Variants in ZSCAN29 observed in about 807,000 individuals in gnomAD.
ZSCAN29 encodes zinc finger and SCAN domain containing 29, also known as zinc finger and SCAN domain-containing protein 29.
Under a neutral mutation model 71.9 loss-of-function variants are expected in ZSCAN29, and 55 were observed. The observed-to-expected ratio is 0.76, with a 90% confidence interval of 0.62 to 0.96. The LOEUF (loss-of-function observed/expected upper bound fraction) is 0.96. Among genes scored for constraint, ZSCAN29 ranks in the 40% least tolerant of loss-of-function variants. The probability of loss-of-function intolerance (pLI) is 0.00; values close to 1 mark genes in which losing one functional copy is unlikely to be tolerated. For synonymous variants in ZSCAN29, 351 were observed against 371.6 expected (o/e 0.94, Z 0.64); for missense variants, 1,042 against 1,042.2 (o/e 1.00, Z 0.00).
intron 4 of ZSCAN29, 185 bp from the exon 5 acceptor site, chr15:43,364,567 T>C: frequency 1.4e-6 from 1 of 700,004 alleles, no homozygotes; most frequent in South Asian, 1.5e-5. Flanking sequence ...TTATATCCTT[T>C]AGCAATTTCA....
At chr15:43,366,957 G>A in intron 3 of ZSCAN29, 149 bp from the exon 4 acceptor site, 1 of 732,414 alleles carries the variant, frequency 1.4e-6, no homozygotes, top group Non-Finnish European at 2.2e-6. Flanking sequence ...GCTGAAAAAG[G>A]TGGGGAAAAT....
rs1242372873 is a variant in ZSCAN29 at position 43,370,645 on chromosome 15, G to C, written c.-200C>G. On this transcript the variant is annotated 5_prime_UTR_variant, in exon 1 of 6. Transcript: ENST00000684362. ...GCTTGGGGAGAGTCACATTGGGCAG[G>C]AGAGACGGAATCCGAGGAGCAGTAG... The C allele has an allele frequency of 6.5e-6, 1 of 152,672 alleles. No individual in the cohort carries two copies. Among genetic ancestry groups the C allele is most frequent in the Admixed American group, 6.5e-5 (1 of 15,320 alleles). 9.5% of individuals were successfully genotyped at this position (152,672 alleles called of 1,614,324 possible). A position where few individuals can be genotyped will look rare whatever the true frequency, so the allele number is the denominator to read the frequency against.
At position 43,361,000 on chromosome 15, in the gene ZSCAN29, T is replaced by C. The variant is rs1489040610; in HGVS notation, c.*73A>G. The C allele has an allele frequency of 6.7e-7, 1 of 1,483,696 alleles. No homozygotes were observed. The highest frequency in any genetic ancestry group is 9.0e-7 in the Non-Finnish European group (1 of 1,106,250). 91.9% of individuals were successfully genotyped at this position (1,483,696 alleles called of 1,614,324 possible). A position where few individuals can be genotyped will look rare whatever the true frequency, so the allele number is the denominator to read the frequency against. Reference sequence around the variant, plus strand: ...AGCTAACTGGACACAGAATAGTAGATGAATCTCACTATTGGAAGACTTTCT... The same window carrying C: ...AGCTAACTGGACACAGAATAGTAGACGAATCTCACTATTGGAAGACTTTCT... On this transcript the variant is annotated 3_prime_UTR_variant, in exon 6 of 6. Transcript: ENST00000684362.
chr15:43,364,702 A>C (rs1280532574), intron 4 of ZSCAN29, among the ~76,000 whole-genome samples: 1 of 152,052 alleles, frequency 6.6e-6, no homozygotes, highest in Non-Finnish European at 1.5e-5. Context: ...CCTGGACAAC[A>C]TGGTGAAAGC....
At position 43,363,960 on chromosome 15, in the gene ZSCAN29, C is replaced by G. The variant is rs772644607; in HGVS notation, c.1645G>C (p.Gly549Arg). The change falls in exon 5 of 6, where the codon GGG becomes CGG. Residue 549 changes from glycine to arginine, a missense_variant. Physicochemically the swap from Gly to Arg is moderately radical, Grantham distance 125. Coordinates refer to ENST00000684362, the MANE Select transcript of ZSCAN29 (RefSeq NM_001372080.1). ...ACTGGAGCACGGGTTATGACAGCCC[C>G]TGGGGGTATCTCAGTATCCTCTTCA... is the stretch of plus-strand genomic sequence containing the variant. ...DDEEDTEIPP[G>R]AVITRAPVLF... 3.7e-6 allele frequency: 6 copies of G among 1,613,768 alleles called. No homozygotes were observed. The African/African-American group carries it at 6.7e-5, about 18-fold the overall frequency.
chr15:43,366,009 A>C lies in ZSCAN29; in HGVS notation c.1222+101T>G, dbSNP rs1595467724. 5 of 1,193,688 alleles carry C rather than the reference A, an allele frequency of 4.2e-6. No homozygotes were observed. The African/African-American group carries it at 4.6e-5, about 11-fold the overall frequency. 73.9% of individuals were successfully genotyped at this position (1,193,688 alleles called of 1,614,324 possible). On this transcript the variant is annotated intron_variant, in intron 4 of 5. Coordinates refer to ENST00000684362, the MANE Select transcript of ZSCAN29 (RefSeq NM_001372080.1). ...TGGAGAAGCACTTCTTTGTTCCCTA[A>C]GTGGCAAAGCTGGCATGTGACATTA...
In ZSCAN29 at chr15:43,366,737, C is replaced by T. The variant is rs3917221; in HGVS notation, c.595G>A (p.Gly199Ser). 293,579 of 1,614,042 alleles carry T rather than the reference C, an allele frequency of 0.18. 28,574 individuals carry two copies. Among genetic ancestry groups the T allele is most frequent in the Middle Eastern group, 0.26 (1,564 of 6,062 alleles). The change falls in exon 4 of 6, where the codon GGC becomes AGC. Residue 199 changes from glycine (G) to serine (S), a missense_variant. Gly to Ser is a moderately conservative substitution (Grantham distance 56, BLOSUM62 0). Coordinates refer to ENST00000684362, the MANE Select transcript of ZSCAN29 (RefSeq NM_001372080.1). ...CTTGGAAGTTCTTTCTCCTTAGAGC[C>T]CAGCAGATCTGGGATCCATGGCTCT... The part of the protein sequence containing the change: ...QGEPWIPDLL[G>S]SKEKELPSGS...
chr15:43,363,009 C>A (rs1241133209), intron 5 of ZSCAN29, among the ~76,000 whole-genome samples: 1 of 139,840 alleles, frequency 7.2e-6, no homozygotes, highest in African/African-American at 2.8e-5. Context: ...TTTTTTTTTT[C>A]ATTCGTTGCC....
intron 5 of ZSCAN29, chr15:43,363,662 T>A (rs2044005091): frequency 2.5e-6 from 1 of 396,814 alleles, no homozygotes; most frequent in South Asian, 7.0e-5. Context: ...GGAAACCTAG[T>A]GGTTCATGAA....
In ZSCAN29 at chr15:43,363,943, A is replaced by C. The variant is rs1305996123; in HGVS notation, c.1662T>G (p.Arg554=). The C allele has an allele frequency of 6.2e-7, 1 of 1,607,852 alleles. No individual in the cohort carries two copies. The highest frequency in any genetic ancestry group is 1.7e-5 in the Admixed American group (1 of 59,584). The part of the protein sequence containing the change: ...TEIPPGAVIT[R]APVLFQSPRG... ...GGGGGCTTTGGAATAACACTGGAGC[A>C]CGGGTTATGACAGCCCCTGGGGGTA... Residue 554 remains arginine (R), a synonymous_variant, in exon 5 of 6, where the codon CGT becomes CGG. Transcript: ENST00000684362.
At position 43,361,159 on chromosome 15, in the gene ZSCAN29, T is replaced by TA; in HGVS notation, c.2472dup (p.Lys825Ter). The stretch of plus-strand genomic sequence containing the variant: ...AGGGCAGAGCTTTTACTGAAGCACT[T>TA]ACCACAGTCATGACACCCATAGGGT... On this transcript the variant is annotated frameshift_variant, in exon 6 of 6. Coordinates refer to ENST00000684362, the MANE Select transcript of ZSCAN29 (RefSeq NM_001372080.1). LOFTEE classifies it high-confidence loss of function. 12 of 1,614,186 alleles carry TA rather than the reference T, an allele frequency of 7.4e-6. No individual in the cohort carries two copies. The highest frequency in any genetic ancestry group is 1.0e-5 in the Non-Finnish European group (12 of 1,179,996).
intron 3 of ZSCAN29, among the ~76,000 whole-genome samples, chr15:43,368,636 G>A (rs1203580376): frequency 2.0e-5 from 3 of 150,870 alleles, no homozygotes; most frequent in Non-Finnish European, 3.0e-5. Flanking sequence ...AAAGGAAGAT[G>A]TGCCTTCAAG....
chr15:43,368,814 AT>A (rs2044065125), intron 3 of ZSCAN29, 108 bp downstream of exon 3: 2 of 1,020,604 alleles, frequency 2.0e-6, no homozygotes, highest in Non-Finnish European at 2.9e-6. Context: ...ACAACCACAT[AT>A]TCTGCAATTT....
At chr15:43,365,795 T>A (rs1359162687) in intron 4 of ZSCAN29, among the ~76,000 whole-genome samples, 1 of 152,140 alleles carries the variant, frequency 6.6e-6, no homozygotes, top group African/African-American at 2.4e-5. Context: ...TTGTGCCACA[T>A]TTTTCTCAGT....
At chr15:43,362,952 G>C (rs1387540650) in intron 5 of ZSCAN29, among the ~76,000 whole-genome samples, 1 of 151,886 alleles carries the variant, frequency 6.6e-6, no homozygotes, top group Non-Finnish European at 1.5e-5. Context: ...TCAACCCTAT[G>C]AGGTAGGTCT....
chr15:43,360,109 G>A lies in ZSCAN29; in HGVS notation c.*964C>T, dbSNP rs1039149542. On this transcript the variant is annotated 3_prime_UTR_variant, in exon 6 of 6. Transcript: ENST00000684362. ...CACACCTGTAATCCCAGCACTTTGG[G>A]AGACCTAGGCAGGCAGATCATGAGG... 1 of 152,206 alleles carries A rather than the reference G, an allele frequency of 6.6e-6. No homozygotes were observed. Among genetic ancestry groups the A allele is most frequent in the African/African-American group, 2.4e-5 (1 of 41,446 alleles). 9.4% of individuals were successfully genotyped at this position (152,206 alleles called of 1,614,324 possible). A position where few individuals can be genotyped will look rare whatever the true frequency, so the allele number is the denominator to read the frequency against.
In ZSCAN29 at chr15:43,361,653, A is replaced by G; in HGVS notation, c.1979T>C (p.Phe660Ser). ...PYKYLKYSKS[F>S]GPNSLLMHQV... ...ATGCATGAGAAGGGAGTTTGGACCAAAGCTTTTGCTGTATTTGAGATATTT... is the reference window on the plus strand; with the variant it reads ...ATGCATGAGAAGGGAGTTTGGACCAGAGCTTTTGCTGTATTTGAGATATTT... The change falls in exon 6 of 6, where the codon TTT becomes TCT. Residue 660 changes from phenylalanine to serine, a missense_variant. Coordinates refer to ENST00000684362, the MANE Select transcript of ZSCAN29 (RefSeq NM_001372080.1). 6.2e-7 allele frequency: 1 copy of G among 1,614,142 alleles called. No individual in the cohort carries two copies. The highest frequency in any genetic ancestry group is 8.5e-7 in the Non-Finnish European group (1 of 1,180,028).
Position 43,360,344 on chromosome 15 carries a change from GA to G in ZSCAN29, c.*728del, listed in dbSNP as rs35479272. ...GGACGACAGAGTGAGACTCCATCTC[GA>G]AAAAAAAAAGCCCGGCGCAGTGGCT... On this transcript the variant is annotated 3_prime_UTR_variant, in exon 6 of 6. Transcript: ENST00000684362. 1.2e-4 allele frequency: 16 copies of G among 129,558 alleles called. No homozygotes were observed. Among genetic ancestry groups the G allele is most frequent in the East Asian group, 4.9e-4 (2 of 4,060 alleles). 8.0% of individuals were successfully genotyped at this position (129,558 alleles called of 1,614,324 possible). A position where few individuals can be genotyped will look rare whatever the true frequency, so the allele number is the denominator to read the frequency against.
At position 43,366,441 on chromosome 15, in the gene ZSCAN29, C is replaced by G. The variant is rs1566883674; in HGVS notation, c.891G>C (p.Gln297His). Reference sequence around the variant, plus strand: ...GGAGACCTTTGAACTTGGTCCGACACTGTTCCAGGGTCCGGAGGAAGCCAT... The same window carrying G: ...GGAGACCTTTGAACTTGGTCCGACAGTGTTCCAGGGTCCGGAGGAAGCCAT... ...REYGFLRTLEQCRTKFKGLQK... is the reference protein window; with the variant it reads ...REYGFLRTLEHCRTKFKGLQK... The change falls in exon 4 of 6, where the codon CAG becomes CAC. Residue 297 changes from glutamine (Q) to histidine (H), a missense_variant. Coordinates refer to ENST00000684362, the MANE Select transcript of ZSCAN29 (RefSeq NM_001372080.1). 8 of 1,614,220 alleles carry G rather than the reference C, an allele frequency of 5.0e-6. No homozygotes were observed. The highest frequency in any genetic ancestry group is 6.8e-6 in the Non-Finnish European group (8 of 1,180,034).
Sources: gnomAD v4.1 joint callset for allele counts (sites outside exome capture counted in the v4.1 genomes callset) on GRCh38, gnomAD v4.1.1 for gene constraint, MANE v1.5 for transcripts, NCBI Gene and HGNC (gene_info 2026-07-23, HGNC 2026-07-21) for gene names.